The following ACYP2 variants were observed in gnomAD, a reference collection of about 807,000 sequenced individuals.
ACYP2 encodes the protein acylphosphatase-2.
In ACYP2, 12 loss-of-function variants were observed where a neutral mutation model predicts 11.2. The ratio of observed to expected loss-of-function variants is 1.08; its 90% CI spans 0.69 to 1.74. The LOEUF is 1.74. Among genes scored for constraint, ACYP2 ranks in the 40% most tolerant of loss-of-function variants. ACYP2 has a pLI of 0.00. For missense variants in ACYP2, 134 were observed against 101.9 expected, an observed-to-expected ratio of 1.31 and a Z score of -1.35; for synonymous variants, 43 against 32.2, an observed-to-expected ratio of 1.33 and a Z score of -1.13.
chr2:54,254,809 G>C, intron 6 of ACYP2: 1 of 1,103,838 alleles, frequency 9.1e-7, no homozygotes, highest in Non-Finnish European at 1.3e-6. Context: ...AGAGGGTACA[G>C]GAAAGTCAGA....
chr2:54,247,517 C>T (rs1192899316), intron 6 of ACYP2, among the ~76,000 whole-genome samples: 1 of 152,134 alleles, frequency 6.6e-6, no homozygotes. Context: ...ATCATAGGCA[C>T]TACTGTATCT....
intron 6 of ACYP2, among the ~76,000 whole-genome samples, chr2:54,159,645 C>T (rs1186641903): frequency 2.0e-5 from 3 of 152,116 alleles, no homozygotes; most frequent in African/African-American, 4.8e-5. Context: ...AAAGTCCAGT[C>T]TAACTGGGGT....
intron 6 of ACYP2, among the ~76,000 whole-genome samples, chr2:54,296,709 A>C (rs1228959787): frequency 6.6e-6 from 1 of 152,216 alleles, no homozygotes; most frequent in Admixed American, 6.5e-5. Flanking sequence ...GACTACAAAA[A>C]TTAGTTTCAT....
intron 6 of ACYP2, among the ~76,000 whole-genome samples, chr2:54,247,494 C>G (rs1055144004): frequency 3.3e-5 from 5 of 152,044 alleles, no homozygotes; most frequent in African/African-American, 1.2e-4. Context: ...TGATTTTAGC[C>G]AACAGTGAAA....
intron 4 of ACYP2, among the ~76,000 whole-genome samples, chr2:54,078,411 C>CATATATATATATATATAT (rs56411409): frequency 6.9e-6 from 1 of 144,494 alleles, no homozygotes; most frequent in African/African-American, 2.5e-5. Context: ...ATATGCGTAC[C>CATATATATATATATATAT]ATATATGGTA....
intron 2 of ACYP2, among the ~76,000 whole-genome samples, chr2:54,023,326 CT>C (rs1674102945): frequency 6.6e-6 from 1 of 152,122 alleles, no homozygotes. Context: ...AAATGTCACA[CT>C]AATTTTTTTT....
chr2:54,087,089 A>G (rs927739728), intron 4 of ACYP2, among the ~76,000 whole-genome samples: 3 of 152,252 alleles, frequency 2.0e-5, no homozygotes, highest in Admixed American at 1.3e-4. Flanking sequence ...CTTTGCACAC[A>G]CTATTGTGTT....
chr2:54,069,825 A>C (rs114136671), intron 4 of ACYP2, among the ~76,000 whole-genome samples: 2,452 of 152,362 alleles, frequency 0.016, 33 homozygotes, highest in South Asian at 0.031. Flanking sequence ...TAATTGACAT[A>C]ATTGTAGTTA....
At chr2:54,146,564 C>T (rs1382324199) in intron 6 of ACYP2, among the ~76,000 whole-genome samples, 1 of 151,746 alleles carries the variant, frequency 6.6e-6, no homozygotes, top group Non-Finnish European at 1.5e-5. Flanking sequence ...TGTGAGCCAC[C>T]ATGCCCGGCC....
At chr2:54,252,987 G>A (rs1437258370) in intron 6 of ACYP2, among the ~76,000 whole-genome samples, 2 of 151,976 alleles carry the variant, frequency 1.3e-5, no homozygotes, top group African/African-American at 4.8e-5. Flanking sequence ...GGCTGAGGCA[G>A]GTGAATCATG....
At chr2:53,986,403 C>T (rs933854488) in intron 2 of ACYP2, among the ~76,000 whole-genome samples, 1 of 151,208 alleles carries the variant, frequency 6.6e-6, no homozygotes, top group Non-Finnish European at 1.5e-5. Flanking sequence ...GTGGCATGAT[C>T]TCAGCTCACT....
intron 2 of ACYP2, among the ~76,000 whole-genome samples, chr2:54,004,159 G>A (rs1672939621): frequency 6.6e-6 from 1 of 151,698 alleles, no homozygotes; most frequent in Non-Finnish European, 1.5e-5. Flanking sequence ...AATTTTTTTT[G>A]TATTTTTAAT....
At chr2:54,271,593 T>C (rs1416057129) in intron 6 of ACYP2, among the ~76,000 whole-genome samples, 1 of 151,908 alleles carries the variant, frequency 6.6e-6, no homozygotes, top group Admixed American at 6.6e-5. Context: ...CACCAAATTA[T>C]CCATACAAAC....
intron 2 of ACYP2, among the ~76,000 whole-genome samples, chr2:54,018,535 A>C (rs1448778480): frequency 6.6e-6 from 1 of 151,904 alleles, no homozygotes; most frequent in African/African-American, 2.4e-5. Flanking sequence ...GTGGGGAGCT[A>C]GGTGTGGTGG....
At chr2:54,096,703 CG>C (rs1678607111) in intron 4 of ACYP2, among the ~76,000 whole-genome samples, 1 of 152,178 alleles carries the variant, frequency 6.6e-6, no homozygotes, top group Non-Finnish European at 1.5e-5. Context: ...TGTGGCGGCG[CG>C]CGCCTGCAAT....
At chr2:54,115,494 C>T in intron 4 of ACYP2, 121 bp from the exon 1 acceptor site, 1 of 1,408,730 alleles carries the variant, frequency 7.1e-7, no homozygotes, top group South Asian at 1.5e-5. Context: ...CTCTTCCCTC[C>T]TGGCGTCCCC....
intron 6 of ACYP2, among the ~76,000 whole-genome samples, chr2:54,159,501 C>A (rs542844790): frequency 2.6e-5 from 4 of 151,872 alleles, no homozygotes; most frequent in African/African-American, 9.7e-5. Context: ...AGCCACCGCA[C>A]CCAGCCAGGA....
At chr2:54,269,871 A>G (rs10175251) in intron 6 of ACYP2, among the ~76,000 whole-genome samples, 25,446 of 152,168 alleles carry the variant, frequency 0.17, 2,186 homozygotes, top group African/African-American at 0.23. Flanking sequence ...ATTATATTAA[A>G]TAACAAATTT....
intron 6 of ACYP2, among the ~76,000 whole-genome samples, chr2:54,216,917 A>C (rs1040776562): frequency 6.6e-5 from 10 of 152,160 alleles, no homozygotes; most frequent in African/African-American, 2.4e-4. Flanking sequence ...CTTTGTTTCT[A>C]TTGTAAGTGG....
Sources: gnomAD v4.1 joint callset for allele counts (sites outside exome capture counted in the v4.1 genomes callset) on GRCh38, gnomAD v4.1.1 for gene constraint, MANE v1.5 for transcripts, NCBI Gene and HGNC (gene_info 2026-07-23, HGNC 2026-07-21) for gene names.